MAML2: variants seen among roughly 807,000 people sequenced by gnomAD.
The protein encoded by MAML2 is mastermind like transcriptional coactivator 2.
Under a neutral mutation model 96.1 loss-of-function variants are expected in MAML2, and 22 were observed. The observed-to-expected ratio is 0.23, with a 90% CI of 0.16 to 0.33. The LOEUF (loss-of-function observed/expected upper bound fraction) is 0.33. Ranked by LOEUF, MAML2 falls within the 10% of genes least tolerant of loss-of-function variation. MAML2 has a pLI of 1.00. For synonymous variants in MAML2, 561 were observed against 521.3 expected, an observed-to-expected ratio of 1.08 and a Z score of -1.04; for missense variants, 1,367 against 1,392.4, an observed-to-expected ratio of 0.98 and a Z score of 0.29.
chr11:96,105,320 G>T (rs1039790895), intron 1 of MAML2, among the ~76,000 whole-genome samples: 1 of 152,174 alleles, frequency 6.6e-6, no homozygotes, highest in African/African-American at 2.4e-5. Flanking sequence ...TCCCAGGGGA[G>T]GTCTGGAGAT....
intron 2 of MAML2, among the ~76,000 whole-genome samples, chr11:96,027,014 G>A (rs1039497870): frequency 6.6e-5 from 10 of 152,042 alleles, no homozygotes; most frequent in African/African-American, 2.4e-4. Flanking sequence ...CCAATGAATG[G>A]ACAACATTGT....
At chr11:96,278,816 A>T (rs1424860279) in intron 1 of MAML2, among the ~76,000 whole-genome samples, 1 of 152,208 alleles carries the variant, frequency 6.6e-6, no homozygotes, top group Non-Finnish European at 1.5e-5. Context: ...AAAGCATTTT[A>T]CAAAGATCAC....
rs768485776 is a variant in MAML2 at position 96,092,075 on chromosome 11, TTGC to T, written c.1953_1955del (p.Gln665del). On this transcript the variant is annotated inframe_deletion, in exon 2 of 5. Coordinates refer to ENST00000524717, the MANE Select transcript of MAML2 (RefSeq NM_032427.4). This position sits in a 1 kb window ranked among gnomAD's most constrained non-coding sequence, Gnocchi z 4.1. ...GCTGCTGCTGTTGTTGCTGTTGTTG[TTGC>T]TGCTGCTGCTGCTGTTGTTGCTGCT... 7 of 1,547,730 alleles carry T rather than the reference TTGC, an allele frequency of 4.5e-6. No individual in the cohort carries two copies. Among genetic ancestry groups the T allele is most frequent in the Admixed American group, 2.0e-5 (1 of 50,848 alleles).
intron 1 of MAML2, among the ~76,000 whole-genome samples, chr11:96,110,134 G>T (rs1860093063): frequency 6.6e-6 from 1 of 152,178 alleles, no homozygotes; most frequent in Non-Finnish European, 1.5e-5. Flanking sequence ...TCTGGCATTT[G>T]ATTGTGATTG....
At chr11:96,239,021 C>T (rs1274210995) in intron 1 of MAML2, among the ~76,000 whole-genome samples, 2 of 152,146 alleles carry the variant, frequency 1.3e-5, no homozygotes, top group East Asian at 3.8e-4. Flanking sequence ...CACAAGCTTG[C>T]CAGCTAGGGA....
chr11:96,110,646 G>A lies in MAML2; in HGVS notation c.514-17129C>T, dbSNP rs1055992241. Reference sequence around the variant, plus strand: ...GAGAAAGCATCGGTGTTGCATTCAGGTATTCTTTTGGTTGGGTTTTATTTC... The same window carrying A: ...GAGAAAGCATCGGTGTTGCATTCAGATATTCTTTTGGTTGGGTTTTATTTC... On this transcript the variant is annotated intron_variant, in intron 1 of 4. Transcript: ENST00000524717. 1.9e-4 allele frequency among the ~76,000 whole-genome samples: 29 copies of A among 152,018 alleles called. 1 individual carries two copies. Among genetic ancestry groups the A allele is most frequent in the Non-Finnish European group, 2.9e-5 (2 of 68,018 alleles).
chr11:96,103,227 A>G (rs1940168), intron 1 of MAML2, among the ~76,000 whole-genome samples: 84,934 of 152,010 alleles, frequency 0.56, 24,727 homozygotes, highest in Middle Eastern at 0.79. Context: ...AGTATCTTGT[A>G]CTTCTCATCC....
chr11:96,165,680 A>G (rs777343235), intron 1 of MAML2, among the ~76,000 whole-genome samples: 1 of 152,252 alleles, frequency 6.6e-6, no homozygotes, highest in African/African-American at 2.4e-5. Flanking sequence ...GGTTTTTGAT[A>G]CATATCGACA....
At chr11:96,276,032 AG>A (rs1194281722) in intron 1 of MAML2, among the ~76,000 whole-genome samples, 7 of 152,208 alleles carry the variant, frequency 4.6e-5, no homozygotes, top group Non-Finnish European at 2.9e-5. Context: ...GGAAGATAGC[AG>A]GGAAATCAGT....
chr11:96,258,994 AT>A (rs1292721449), intron 1 of MAML2, among the ~76,000 whole-genome samples: 2 of 152,086 alleles, frequency 1.3e-5, no homozygotes, highest in Non-Finnish European at 2.9e-5. Flanking sequence ...AGGCCCTGAG[AT>A]TTTTTACGAA....
intron 1 of MAML2, among the ~76,000 whole-genome samples, chr11:96,181,254 A>G (rs1291069334): frequency 6.6e-6 from 1 of 152,168 alleles, no homozygotes; most frequent in East Asian, 1.9e-4. Flanking sequence ...ACCTAAGAAG[A>G]AGGCAGACAC....
intron 1 of MAML2, among the ~76,000 whole-genome samples, chr11:96,298,736 TTA>T (rs10660464): frequency 4.1e-5 from 6 of 145,398 alleles, no homozygotes; most frequent in South Asian, 2.1e-4. Flanking sequence ...ATACATAATA[TTA>T]TATATATATA....
chr11:96,180,732 T>A (rs753306268), intron 1 of MAML2, among the ~76,000 whole-genome samples: 1 of 152,188 alleles, frequency 6.6e-6, no homozygotes, highest in Non-Finnish European at 1.5e-5. Context: ...TTATAGGAAC[T>A]GGTACCTTCA....
At chr11:95,993,297 G>A (rs114587263) in intron 2 of MAML2, among the ~76,000 whole-genome samples, 22 of 152,278 alleles carry the variant, frequency 1.4e-4, no homozygotes, top group African/African-American at 5.1e-4. Context: ...GTTGGGTGCG[G>A]TGGCTCATGC....
At chr11:96,333,998 C>T (rs1404410189) in intron 1 of MAML2, among the ~76,000 whole-genome samples, 2 of 152,132 alleles carry the variant, frequency 1.3e-5, no homozygotes, top group Non-Finnish European at 1.5e-5. Context: ...AGAGGACATT[C>T]ACTCTATTCA....
At chr11:96,265,266 A>G (rs1859692959) in intron 1 of MAML2, among the ~76,000 whole-genome samples, 1 of 152,228 alleles carries the variant, frequency 6.6e-6, no homozygotes, top group South Asian at 2.1e-4. Flanking sequence ...GAGAGTTGGC[A>G]GAGGCAGAAA....
At chr11:96,174,980 C>T (rs1364218636) in intron 1 of MAML2, among the ~76,000 whole-genome samples, 3 of 152,288 alleles carry the variant, frequency 2.0e-5, no homozygotes, top group South Asian at 2.1e-4. Flanking sequence ...TCAGCATTTC[C>T]GAGCACTTTG....
intron 1 of MAML2, among the ~76,000 whole-genome samples, chr11:96,256,018 C>T (rs1382394518): frequency 2.0e-5 from 3 of 151,790 alleles, no homozygotes; most frequent in Non-Finnish European, 2.9e-5. Flanking sequence ...GGATTACAAG[C>T]GCCCGCCACC....
At chr11:96,258,766 A>T (rs1482345190) in intron 1 of MAML2, among the ~76,000 whole-genome samples, 1 of 152,232 alleles carries the variant, frequency 6.6e-6, no homozygotes, top group East Asian at 1.9e-4. Context: ...AAACGAAATT[A>T]TAACAACAGT....
Sources: gnomAD v4.1 joint callset for allele counts (sites outside exome capture counted in the v4.1 genomes callset) on GRCh38, gnomAD v4.1.1 for gene constraint, Gnocchi (gnomAD v3.1) non-coding constraint, MANE v1.5 for transcripts, NCBI Gene and HGNC (gene_info 2026-07-23, HGNC 2026-07-21) for gene names.